The following GIGYF2 variants were observed in gnomAD, a reference collection of about 807,000 sequenced individuals.
GIGYF2 encodes GRB10 interacting GYF protein 2.
Under a neutral mutation model 208.1 loss-of-function variants are expected in GIGYF2, and 25 were observed. The observed-to-expected ratio is 0.12, with a 90% CI of 0.09 to 0.17. The LOEUF is 0.17. Among genes scored for constraint, GIGYF2 ranks in the 10% least tolerant of loss-of-function variants. GIGYF2 has a pLI of 1.00. For missense variants in GIGYF2, 1,302 were observed against 1,579.4 expected, an observed-to-expected ratio of 0.82 and a Z score of 2.98; for synonymous variants, 534 against 543.8, an observed-to-expected ratio of 0.98 and a Z score of 0.25.
intron 18 of GIGYF2, among the ~76,000 whole-genome samples, chr2:232,814,565 A>ACCAC: frequency 1.3e-5 from 1 of 75,966 alleles, no homozygotes; most frequent in Admixed American, 1.7e-4. Context: ...TCCACCTCAA[A>ACCAC]CCCCCCCCCC....
At chr2:232,698,597 T>C (rs771161718) in intron 1 of GIGYF2, among the ~76,000 whole-genome samples, 1 of 152,262 alleles carries the variant, frequency 6.6e-6, no homozygotes, top group African/African-American at 2.4e-5. Context: ...CTTTCTCTTA[T>C]TCATTGATGG....
At chr2:232,796,356 T>A in intron 14 of GIGYF2, 135 bp downstream of exon 14, 1 of 688,798 alleles carries the variant, frequency 1.5e-6, no homozygotes. Flanking sequence ...ACACGCAGAC[T>A]AGAAGTGTTT....
intron 3 of GIGYF2, among the ~76,000 whole-genome samples, chr2:232,738,077 C>G (rs1697815633): frequency 6.6e-6 from 1 of 151,752 alleles, no homozygotes; most frequent in Non-Finnish European, 1.5e-5. Flanking sequence ...CCACCACGCC[C>G]AGCTGATTTT....
At chr2:232,852,232 T>A (rs1180570955) in intron 28 of GIGYF2, among the ~76,000 whole-genome samples, 1 of 152,138 alleles carries the variant, frequency 6.6e-6, no homozygotes, top group Non-Finnish European at 1.5e-5. Context: ...AAAACCTAAC[T>A]TTTAGGACTG....
At chr2:232,755,527 A>G (rs955930201) in intron 5 of GIGYF2, among the ~76,000 whole-genome samples, 2 of 152,212 alleles carry the variant, frequency 1.3e-5, no homozygotes, top group African/African-American at 4.8e-5. Context: ...TTGGCTACAG[A>G]CATACCAAAG....
chr2:232,745,999 T>C (rs1319569532), intron 3 of GIGYF2, among the ~76,000 whole-genome samples: 1 of 152,192 alleles, frequency 6.6e-6, no homozygotes. Flanking sequence ...GGCTCATGCC[T>C]GTAATCTCAG....
intron 2 of GIGYF2, among the ~76,000 whole-genome samples, chr2:232,729,227 GC>G (rs1697342625): frequency 6.6e-6 from 1 of 152,168 alleles, no homozygotes; most frequent in South Asian, 2.1e-4. Context: ...TGATCTGCAT[GC>G]CTCAGCTTCC....
intron 8 of GIGYF2, among the ~76,000 whole-genome samples, chr2:232,775,064 ATT>A (rs956789044): frequency 3.4e-5 from 5 of 145,474 alleles, no homozygotes; most frequent in East Asian, 2.0e-4. Context: ...GTTAAGCAGC[ATT>A]TTTTTTTTTT....
At chr2:232,733,888 A>C (rs988960157) in intron 2 of GIGYF2, among the ~76,000 whole-genome samples, 1 of 152,110 alleles carries the variant, frequency 6.6e-6, no homozygotes, top group African/African-American at 2.4e-5. Flanking sequence ...CAATTAAAAA[A>C]TTTTTTTCCA....
At chr2:232,711,482 C>T (rs1012345049) in intron 2 of GIGYF2, among the ~76,000 whole-genome samples, 3 of 151,490 alleles carry the variant, frequency 2.0e-5, no homozygotes, top group African/African-American at 7.3e-5. Context: ...AAATAACAAA[C>T]TCATTACATG....
At chr2:232,769,904 A>G (rs1165169005) in intron 8 of GIGYF2, among the ~76,000 whole-genome samples, 2 of 152,218 alleles carry the variant, frequency 1.3e-5, no homozygotes, top group Admixed American at 6.5e-5. Flanking sequence ...TGTGATTTTC[A>G]AGTATTCTGG....
At chr2:232,763,564 C>T (rs1698830054) in intron 8 of GIGYF2, among the ~76,000 whole-genome samples, 1 of 152,086 alleles carries the variant, frequency 6.6e-6, no homozygotes, top group Admixed American at 6.5e-5. Flanking sequence ...GTGGCTCGCA[C>T]CTGTAATCCT....
chr2:232,745,315 T>G (rs1427334958), intron 3 of GIGYF2, among the ~76,000 whole-genome samples: 2 of 152,104 alleles, frequency 1.3e-5, no homozygotes, highest in African/African-American at 4.8e-5. Flanking sequence ...AATGATTGAT[T>G]TCAGGTCTGA....
rs754373854 is a variant in GIGYF2, at chr2:232,749,085, T to G, written c.267+3T>G. 18 of 1,453,070 alleles carry G rather than the reference T, an allele frequency of 1.2e-5. No individual in the cohort carries two copies. In the East Asian group the frequency reaches 1.8e-4, roughly 15 times the overall value. The allele number at this position is 1,453,070 out of a possible 1,614,324, so 90.0% of individuals were successfully genotyped here. On this transcript the variant is annotated splice_donor_region_variant and intron_variant, in intron 5 of 28. Coordinates refer to ENST00000373563, the MANE Select transcript of GIGYF2 (RefSeq NM_001103146.3). The stretch of plus-strand genomic sequence containing the variant: ...TACCCTTTACAGAAGAAGAACAGGT[T>G]TGTGATTAGCTCTGAGCCCCAGCAA...
At position 232,844,291 on chromosome 2, in the gene GIGYF2, T is replaced by C. The variant is rs760019801; in HGVS notation, c.3099+36T>C. Reference sequence around the variant, plus strand: ...TTTCCTAAGCTGTCGTTGTATGGACTAGTATTATCTTTTCTGACTGTCTTC... The same window carrying C: ...TTTCCTAAGCTGTCGTTGTATGGACCAGTATTATCTTTTCTGACTGTCTTC... On this transcript the variant is annotated intron_variant, in intron 24 of 28. Transcript: ENST00000373563. 4.3e-6 allele frequency: 7 copies of C among 1,611,314 alleles called. No homozygotes were observed. The East Asian group carries it at 1.1e-4, about 26-fold the overall frequency.
intron 21 of GIGYF2, among the ~76,000 whole-genome samples, chr2:232,823,874 GCATCGA>G (rs1008638035): frequency 2.0e-5 from 3 of 152,180 alleles, no homozygotes; most frequent in African/African-American, 7.2e-5. Context: ...TGGCAGCCCT[GCATCGA>G]CCAAGTCTGT....
Position 232,857,300 on chromosome 2 carries a change from G to GT in GIGYF2, c.*442dup. 4.0e-6 allele frequency: 1 copy of GT among 252,578 alleles called. No individual in the cohort carries two copies. The highest frequency in any genetic ancestry group is 7.8e-6 in the Non-Finnish European group (1 of 127,826). The allele number at this position is 252,578 out of a possible 1,614,324, so 15.6% of individuals were successfully genotyped here. A position where few individuals can be genotyped will look rare whatever the true frequency, so the allele number is the denominator to read the frequency against. The stretch of plus-strand genomic sequence containing the variant: ...TCTAACTGGTGCAATCATGAAGAGA[G>GT]TTAATGGTTAACAGACATTGGCCAA... On this transcript the variant is annotated 3_prime_UTR_variant, in exon 29 of 29. Transcript: ENST00000373563.
chr2:232,787,902 G>A (rs2106361026), intron 9 of GIGYF2, among the ~76,000 whole-genome samples: 1 of 152,298 alleles, frequency 6.6e-6, no homozygotes, highest in East Asian at 1.9e-4. Flanking sequence ...TCTTCTGTTT[G>A]TCTCTTAAAA....
chr2:232,739,339 C>G (rs1393939335), intron 3 of GIGYF2, among the ~76,000 whole-genome samples: 5 of 123,820 alleles, frequency 4.0e-5, no homozygotes, highest in African/African-American at 1.6e-4. Flanking sequence ...GTCTGGACAA[C>G]AAGCCTGGGC....
Sources: allele counts gnomAD v4.1 joint callset (sites outside exome capture counted in the v4.1 genomes callset), GRCh38; gene constraint gnomAD v4.1.1; transcripts MANE v1.5; gene names NCBI Gene and HGNC (gene_info 2026-07-23, HGNC 2026-07-21).